The following SCD5 variants were observed in gnomAD, a reference collection of about 807,000 sequenced individuals.
The protein encoded by SCD5 is stearoyl-CoA desaturase 5, also known as acyl-CoA-desaturase 4.
A neutral mutation model predicts 30.4 loss-of-function variants in SCD5; 20 were observed. The observed-to-expected ratio is 0.66, with a 90% CI of 0.46 to 0.96. SCD5 has a LOEUF of 0.96. SCD5 is among the 40% of genes least tolerant of loss of function. SCD5 has a pLI of 0.00. For missense variants in SCD5, 381 were observed against 443.3 expected, an observed-to-expected ratio of 0.86 and a Z score of 1.26; for synonymous variants, 173 against 176.4, an observed-to-expected ratio of 0.98 and a Z score of 0.16.
intron 1 of SCD5, among the ~76,000 whole-genome samples, chr4:82,750,304 T>C (rs933213528): frequency 6.6e-6 from 1 of 152,196 alleles, no homozygotes; most frequent in East Asian, 1.9e-4. Flanking sequence ...GTGTTTAAAG[T>C]AGCTGAGTCG....
chr4:82,782,646 C>G (rs899973277), intron 1 of SCD5, among the ~76,000 whole-genome samples: 1 of 152,144 alleles, frequency 6.6e-6, no homozygotes, highest in Non-Finnish European at 1.5e-5. Context: ...CATCCCCACC[C>G]CCATCCTCCC....
chr4:82,756,149 G>A (rs905533293), intron 1 of SCD5, among the ~76,000 whole-genome samples: 1 of 152,128 alleles, frequency 6.6e-6, no homozygotes, highest in Non-Finnish European at 1.5e-5. Context: ...ATGGAAACCA[G>A]CATCTCTCTC....
chr4:82,638,887 T>G (rs1014289590), intron 3 of SCD5, among the ~76,000 whole-genome samples: 4 of 152,204 alleles, frequency 2.6e-5, no homozygotes, highest in African/African-American at 9.7e-5. Context: ...ACTCATTTAA[T>G]TCTAACAAAC....
At chr4:82,774,522 G>C (rs111397990) in intron 1 of SCD5, among the ~76,000 whole-genome samples, 5 of 152,086 alleles carry the variant, frequency 3.3e-5, no homozygotes, top group South Asian at 2.1e-4. Flanking sequence ...TTGCTTCCTT[G>C]TGTTTTCTAG....
At chr4:82,681,136 G>A (rs1013189779) in intron 2 of SCD5, among the ~76,000 whole-genome samples, 6 of 152,032 alleles carry the variant, frequency 3.9e-5, no homozygotes, top group African/African-American at 7.2e-5. Flanking sequence ...CTCAGCTTAC[G>A]TGTGGGACGT....
At chr4:82,712,086 G>A (rs894079078) in intron 1 of SCD5, among the ~76,000 whole-genome samples, 9 of 149,230 alleles carry the variant, frequency 6.0e-5, no homozygotes, top group South Asian at 2.1e-4. Context: ...CAAGTGTAGG[G>A]GGTAGGTGCC....
intron 2 of SCD5, among the ~76,000 whole-genome samples, chr4:82,704,982 C>T (rs1719937756): frequency 6.6e-6 from 1 of 152,248 alleles, no homozygotes; most frequent in South Asian, 2.1e-4. Context: ...AACTTGGCCC[C>T]TGGTTAGGGC....
intron 3 of SCD5, among the ~76,000 whole-genome samples, chr4:82,664,993 C>CTATATA (rs1247846017): frequency 2.6e-4 from 23 of 86,936 alleles, no homozygotes; most frequent in East Asian, 1.2e-3. Context: ...CTCTCTCTCT[C>CTATATA]TCTCTCTATA....
chr4:82,646,164 C>T (rs1288358967), intron 3 of SCD5, among the ~76,000 whole-genome samples: 2 of 152,198 alleles, frequency 1.3e-5, no homozygotes, highest in African/African-American at 4.8e-5. Flanking sequence ...CTGTTCCTGG[C>T]ATCTTGACTT....
chr4:82,712,243 CATATATATATATAT>C (rs762732703), intron 1 of SCD5, among the ~76,000 whole-genome samples: 975 of 28,774 alleles, frequency 0.034, 48 homozygotes, highest in Non-Finnish European at 0.073. Context: ...GACCAACTAA[CATATATATATATAT>C]ATATATATAT....
chr4:82,728,039 C>A (rs940684496), intron 1 of SCD5, among the ~76,000 whole-genome samples: 7 of 152,234 alleles, frequency 4.6e-5, no homozygotes, highest in Non-Finnish European at 8.8e-5. Flanking sequence ...TGAGCAAGAC[C>A]AGCTCTTGTC....
chr4:82,774,290 C>T (rs1721693010), intron 1 of SCD5, among the ~76,000 whole-genome samples: 1 of 150,280 alleles, frequency 6.7e-6, no homozygotes, highest in African/African-American at 2.5e-5. Context: ...GAATACGATA[C>T]TGCCATTAAA....
At chr4:82,747,403 C>T (rs1721019155) in intron 1 of SCD5, among the ~76,000 whole-genome samples, 2 of 152,216 alleles carry the variant, frequency 1.3e-5, no homozygotes, top group Non-Finnish European at 2.9e-5. Flanking sequence ...GGCTCCAAAG[C>T]TCATCCCTTT....
rs377624345 is a variant in SCD5 at position 82,649,213 on chromosome 4, G to A, written c.570-12390C>T. Among the ~76,000 whole-genome samples, 310 of 151,598 alleles carry A rather than the reference G, an allele frequency of 2.0e-3. 3 individuals carry two copies. Among genetic ancestry groups the A allele is most frequent in the Middle Eastern group, 6.8e-3 (2 of 294 alleles). On this transcript the variant is annotated intron_variant, in intron 3 of 4. Transcript: ENST00000319540. ...TGTGTGTGTGTGTGTGTGTGTGTGT[G>A]TGTGTGTGAGATTCTTCACCTTAGA... is the stretch of plus-strand genomic sequence containing the variant.
chr4:82,746,961 G>C (rs1404491557), intron 1 of SCD5, among the ~76,000 whole-genome samples: 2 of 23,164 alleles, frequency 8.6e-5, no homozygotes, highest in African/African-American at 1.5e-4. Context: ...AGGGCGTCAG[G>C]GGGAGAGGAG....
At chr4:82,659,978 T>C (rs1727949966) in intron 3 of SCD5, 1 of 49,366 alleles carries the variant, frequency 2.0e-5, no homozygotes, top group East Asian at 6.2e-4. Context: ...TACAGGAATA[T>C]TTATCAAGCA....
At position 82,692,801 on chromosome 4, in the gene SCD5, T is replaced by C. The variant is rs369469821; in HGVS notation, c.364-11889A>G. 6.6e-5 allele frequency among the ~76,000 whole-genome samples: 10 copies of C among 152,354 alleles called. No homozygotes were observed. In the East Asian group the frequency reaches 1.2e-3, roughly 18 times the overall value. On this transcript the variant is annotated intron_variant, in intron 2 of 4. Coordinates refer to ENST00000319540, the MANE Select transcript of SCD5 (RefSeq NM_001037582.3). ...CACCAGAAGGCAAACTCCAGTCCGC[T>C]GAGGAACAGCAGCCCTCAGGAACCT...
At chr4:82,705,997 T>C (rs116035323) in intron 1 of SCD5, among the ~76,000 whole-genome samples, 148 of 152,368 alleles carry the variant, frequency 9.7e-4, no homozygotes, top group Non-Finnish European at 1.5e-3. Flanking sequence ...ATACATGTGG[T>C]TTTCATGAAC....
intron 3 of SCD5, among the ~76,000 whole-genome samples, chr4:82,669,353 T>C (rs1728258993): frequency 6.7e-6 from 1 of 148,308 alleles, no homozygotes; most frequent in South Asian, 2.1e-4. Context: ...CGGTTCCACA[T>C]GAAGAGCTCA....
Sources: gnomAD v4.1 joint callset for allele counts (sites outside exome capture counted in the v4.1 genomes callset) on GRCh38, gnomAD v4.1.1 for gene constraint, MANE v1.5 for transcripts, NCBI Gene and HGNC (gene_info 2026-07-23, HGNC 2026-07-21) for gene names.